SIPA1L1: variants seen among roughly 807,000 people sequenced by gnomAD.
SIPA1L1 encodes signal induced proliferation associated 1 like 1.
In SIPA1L1, 26 loss-of-function variants were observed where a neutral mutation model predicts 162.7. That is an observed-to-expected ratio of 0.16 (90% CI 0.12 to 0.22). The LOEUF is 0.22. Among genes scored for constraint, SIPA1L1 ranks in the 10% least tolerant of loss-of-function variants. The pLI is 1.00. For missense variants in SIPA1L1, 1,874 were observed against 2,241.0 expected (o/e 0.84, Z 3.31); for synonymous variants, 829 against 837.4 (o/e 0.99, Z 0.17).
At chr14:71,409,232 AGT>A (rs2042236340) in intron 2 of SIPA1L1, among the ~76,000 whole-genome samples, 1 of 152,120 alleles carries the variant, frequency 6.6e-6, no homozygotes, top group Non-Finnish European at 1.5e-5. Context: ...GAACCAGGTG[AGT>A]GTAGAACTCT....
chr14:71,673,003 A>G (rs1391816072), intron 12 of SIPA1L1, among the ~76,000 whole-genome samples: 2 of 152,244 alleles, frequency 1.3e-5, no homozygotes, highest in Non-Finnish European at 1.5e-5. Flanking sequence ...TCTATGTTCC[A>G]TGATGCTCTT....
intron 5 of SIPA1L1, among the ~76,000 whole-genome samples, chr14:71,592,316 T>A (rs887340680): frequency 2.0e-5 from 3 of 152,216 alleles, no homozygotes; most frequent in African/African-American, 7.2e-5. Context: ...GAAATTAAGC[T>A]CTGTAAAGTA....
intron 2 of SIPA1L1, among the ~76,000 whole-genome samples, chr14:71,330,148 A>G (rs2034345844): frequency 6.6e-6 from 1 of 152,210 alleles, no homozygotes; most frequent in South Asian, 2.1e-4. Flanking sequence ...CCTTCTCCAA[A>G]TGAAGCTCGC....
intron 4 of SIPA1L1, chr14:71,586,140 G>T (rs934087027): frequency 3.3e-5 from 5 of 152,128 alleles, no homozygotes; most frequent in Admixed American, 3.3e-4. Flanking sequence ...GAAAACAAAT[G>T]GCATTTATCT....
rs746984806 is a variant in SIPA1L1 at position 71,402,803 on chromosome 14, T to G, written c.-465+81622T>G. Among the ~76,000 whole-genome samples the G allele has an allele frequency of 2.6e-5, 4 of 152,332 alleles. No individual in the cohort carries two copies. In the South Asian group the frequency reaches 8.3e-4, roughly 32 times the overall value. On this transcript the variant is annotated intron_variant, in intron 2 of 23. Coordinates refer to ENST00000381232, the MANE Select transcript of SIPA1L1 (RefSeq NM_001386936.1). ...CATTATTATTTATAAGGGAAATTAC[T>G]TAATTGGAAGACAATTAGATATTTG... is the stretch of plus-strand genomic sequence containing the variant.
At chr14:71,694,468 T>G (rs1339669804) in intron 13 of SIPA1L1, among the ~76,000 whole-genome samples, 2 of 152,166 alleles carry the variant, frequency 1.3e-5, no homozygotes, top group Non-Finnish European at 2.9e-5. Flanking sequence ...TCATGACTTT[T>G]TCAATTGCGC....
intron 4 of SIPA1L1, among the ~76,000 whole-genome samples, chr14:71,564,211 T>A (rs1048866684): frequency 2.0e-5 from 3 of 151,838 alleles, no homozygotes; most frequent in Non-Finnish European, 2.9e-5. Context: ...AGCCTCCCAA[T>A]GTGCTTAGAT....
intron 2 of SIPA1L1, among the ~76,000 whole-genome samples, chr14:71,501,949 G>A (rs886792247): frequency 4.0e-5 from 6 of 151,274 alleles, no homozygotes; most frequent in Non-Finnish European, 1.5e-5. Flanking sequence ...GGGAGGCCGC[G>A]GTGGGAGGGC....
intron 19 of SIPA1L1, among the ~76,000 whole-genome samples, chr14:71,728,231 TTGGTTTTATTTTTTAATC>T (rs1207181469): frequency 1.3e-5 from 2 of 152,150 alleles, no homozygotes; most frequent in Admixed American, 1.3e-4. Flanking sequence ...GATGTTTTAT[TTGGTTTTATTTTTTAATC>T]TGGTTTTATT....
chr14:71,736,600 T>G, intron 22 of SIPA1L1, among the ~76,000 whole-genome samples: 1 of 151,678 alleles, frequency 6.6e-6, no homozygotes, highest in Non-Finnish European at 1.5e-5. Flanking sequence ...TTGTTATGAG[T>G]ATAGGAGAGA....
chr14:71,696,500 A>T (rs1350989814), intron 13 of SIPA1L1, among the ~76,000 whole-genome samples: 1 of 152,218 alleles, frequency 6.6e-6, no homozygotes, highest in Non-Finnish European at 1.5e-5. Flanking sequence ...TTATTAAATT[A>T]TTCACAAATT....
At chr14:71,506,873 A>C (rs886305010) in intron 2 of SIPA1L1, among the ~76,000 whole-genome samples, 1 of 141,550 alleles carries the variant, frequency 7.1e-6, no homozygotes, top group African/African-American at 2.7e-5. Flanking sequence ...CTTGTTGCCC[A>C]GGGTGGTCTG....
intron 2 of SIPA1L1, among the ~76,000 whole-genome samples, chr14:71,471,450 C>T (rs564414587): frequency 6.6e-6 from 1 of 152,312 alleles, no homozygotes; most frequent in East Asian, 1.9e-4. Context: ...GCCTGGGCAA[C>T]AAAGCAAGAC....
rs375104588 is a variant in SIPA1L1, at chr14:71,614,095, G to C, written c.1499-4662G>C. Reference sequence around the variant, plus strand: ...CGTGCCTGTAGTCCCAGCTACTCAGGAGGCTGAGGCAGGAGAATTGCTTGA... The same window carrying C: ...CGTGCCTGTAGTCCCAGCTACTCAGCAGGCTGAGGCAGGAGAATTGCTTGA... On this transcript the variant is annotated intron_variant, in intron 5 of 23. Coordinates refer to ENST00000381232, the MANE Select transcript of SIPA1L1 (RefSeq NM_001386936.1). Among the ~76,000 whole-genome samples the C allele has an allele frequency of 6.5e-4, 99 of 152,222 alleles. 1 individual carries two copies. The highest frequency in any genetic ancestry group is 2.3e-3 in the African/African-American group (97 of 41,552).
At chr14:71,575,275 C>T (rs993380607) in intron 4 of SIPA1L1, among the ~76,000 whole-genome samples, 6 of 152,100 alleles carry the variant, frequency 3.9e-5, no homozygotes, top group African/African-American at 7.2e-5. Context: ...CCTTTCTCTC[C>T]TCTGCCCTTA....
rs2083980079 is a variant in SIPA1L1, at chr14:71,723,836, G to T, written c.4398G>T (p.Trp1466Cys). ...QGATSKYLIG[W>C]KKPEGTINSV... ...CTACTAGCAAGTACCTGATTGGATGGAAAAAACCCGAAGGAACCATAAACT... is the reference window on the plus strand; with the variant it reads ...CTACTAGCAAGTACCTGATTGGATGTAAAAAACCCGAAGGAACCATAAACT... The change falls in exon 18 of 24, where the codon TGG (tryptophan) becomes TGT (cysteine). Residue 1466 changes from tryptophan to cysteine, a missense_variant. By Grantham distance (215) the Trp-to-Cys change is radical (BLOSUM62 -2). Transcript: ENST00000381232. 1 of 1,613,984 alleles carries T rather than the reference G, an allele frequency of 6.2e-7. No homozygotes were observed.
intron 2 of SIPA1L1, among the ~76,000 whole-genome samples, chr14:71,378,466 T>C (rs962178375): frequency 1.3e-5 from 2 of 152,214 alleles, no homozygotes; most frequent in Admixed American, 1.3e-4. Context: ...GGGGATTTTC[T>C]TAGATATCCT....
intron 12 of SIPA1L1, among the ~76,000 whole-genome samples, chr14:71,672,838 C>T (rs1459699660): frequency 6.6e-6 from 1 of 152,106 alleles, no homozygotes; most frequent in Non-Finnish European, 1.5e-5. Context: ...GGGACCATTC[C>T]CAGGATTTAC....
intron 3 of SIPA1L1, among the ~76,000 whole-genome samples, chr14:71,527,378 T>G (rs1247016149): frequency 6.6e-6 from 1 of 152,036 alleles, no homozygotes; most frequent in African/African-American, 2.4e-5. Flanking sequence ...TTTTATTTTT[T>G]AATTTTTTTG....
Sources: allele counts gnomAD v4.1 joint callset (sites outside exome capture counted in the v4.1 genomes callset), GRCh38; gene constraint gnomAD v4.1.1; transcripts MANE v1.5; gene names NCBI Gene and HGNC (gene_info 2026-07-23, HGNC 2026-07-21).